The following KIF26B variants were observed in gnomAD, a reference collection of about 807,000 sequenced individuals.
KIF26B encodes the protein kinesin-like protein KIF26B.
A neutral mutation model predicts 151.2 loss-of-function variants in KIF26B; 63 were observed. The ratio of observed to expected loss-of-function variants is 0.42; its 90% CI spans 0.34 to 0.51. The LOEUF (loss-of-function observed/expected upper bound fraction) is 0.51. KIF26B is among the 20% of genes least tolerant of loss of function. The pLI, the probability that KIF26B is intolerant of heterozygous loss-of-function variation, is 0.07. For missense variants in KIF26B, 2,813 were observed against 2,913.6 expected, an observed-to-expected ratio of 0.97 and a Z score of 0.79; for synonymous variants, 1,357 against 1,262.1, an observed-to-expected ratio of 1.08 and a Z score of -1.59.
chr1:245,522,080 A>T (rs376393046), intron 4 of KIF26B, among the ~76,000 whole-genome samples: 1 of 152,102 alleles, frequency 6.6e-6, no homozygotes, highest in African/African-American at 2.4e-5. Context: ...CGTGTTAGCC[A>T]GGATGGTCTC....
chr1:245,692,413 C>T (rs1316757367), intron 12 of KIF26B, among the ~76,000 whole-genome samples: 1 of 152,156 alleles, frequency 6.6e-6, no homozygotes, highest in Non-Finnish European at 1.5e-5. Context: ...GCAAAGGCTG[C>T]AGAGAAATGT....
intron 2 of KIF26B, among the ~76,000 whole-genome samples, chr1:245,235,215 C>T (rs1183986904): frequency 1.3e-5 from 2 of 152,146 alleles, no homozygotes; most frequent in Non-Finnish European, 2.9e-5. Context: ...CTTCAAAGGC[C>T]ATAGTTAATT....
At chr1:245,181,361 G>A (rs4385689) in intron 2 of KIF26B, among the ~76,000 whole-genome samples, 15,842 of 152,008 alleles carry the variant, frequency 0.1, 889 homozygotes, top group Middle Eastern at 0.13. Flanking sequence ...TTGGGTCTGC[G>A]TCTTTTCATT....
At chr1:245,579,596 G>T (rs559070379) in intron 5 of KIF26B, among the ~76,000 whole-genome samples, 1 of 152,252 alleles carries the variant, frequency 6.6e-6, no homozygotes, top group African/African-American at 2.4e-5. Context: ...GATCACCTGA[G>T]GTCGGGAGTT....
At chr1:245,504,939 A>G (rs1203707635) in intron 4 of KIF26B, among the ~76,000 whole-genome samples, 3 of 151,906 alleles carry the variant, frequency 2.0e-5, no homozygotes, top group Admixed American at 6.6e-5. Context: ...TAAGCAATAA[A>G]ATACTTTTTT....
intron 4 of KIF26B, among the ~76,000 whole-genome samples, chr1:245,521,535 A>G (rs1445712744): frequency 6.6e-6 from 1 of 152,210 alleles, no homozygotes; most frequent in Non-Finnish European, 1.5e-5. Context: ...ATCCTTGAGT[A>G]TAAGTCTACC....
chr1:245,412,888 C>T (rs904467438), intron 3 of KIF26B, among the ~76,000 whole-genome samples: 2 of 152,210 alleles, frequency 1.3e-5, no homozygotes, highest in Non-Finnish European at 2.9e-5. Context: ...TGTACACGCA[C>T]ATGCACACGT....
Position 245,184,052 on chromosome 1 carries a change from T to TTTTTG in KIF26B, c.465+27373_465+27374insGTTTT, listed in dbSNP as rs1553332276. Among the ~76,000 whole-genome samples, 3 of 107,726 alleles carry TTTTTG rather than the reference T, an allele frequency of 2.8e-5. 1 individual carries two copies. Among genetic ancestry groups the TTTTTG allele is most frequent in the African/African-American group, 1.0e-4 (3 of 28,896 alleles). The allele number at this position is 107,726 out of a possible 152,430, so 70.7% of individuals were successfully genotyped here. A position where few individuals can be genotyped will look rare whatever the true frequency, so the allele number is the denominator to read the frequency against. The stretch of plus-strand genomic sequence containing the variant: ...AACAGGTATGGGTGGGAGTTGTTGT[T>TTTTTG]TTTTTTTTTTTTTTTTTGAGCTTTC... On this transcript the variant is annotated intron_variant, in intron 2 of 14. Coordinates refer to ENST00000407071, the MANE Select transcript of KIF26B (RefSeq NM_018012.4).
chr1:245,525,101 C>T (rs1661210193), intron 4 of KIF26B, among the ~76,000 whole-genome samples: 1 of 152,030 alleles, frequency 6.6e-6, no homozygotes, highest in African/African-American at 2.4e-5. Flanking sequence ...TCTGCACCTC[C>T]CTGGGTCATC....
rs1176485514 is a variant in KIF26B, at chr1:245,707,564, G to C, written c.*4958G>C. 4 of 152,324 alleles carry C rather than the reference G, an allele frequency of 2.6e-5. No individual in the cohort carries two copies. Among genetic ancestry groups the C allele is most frequent in the African/African-American group, 9.6e-5 (4 of 41,564 alleles). 9.4% of individuals were successfully genotyped at this position (152,324 alleles called of 1,614,324 possible). A position where few individuals can be genotyped will look rare whatever the true frequency, so the allele number is the denominator to read the frequency against. ...TATCCACGTGCCGTGCATCGAGGTG[G>C]AGATTTGCTGGATCTGTCTGTGGCT... On this transcript the variant is annotated 3_prime_UTR_variant, in exon 15 of 15. Transcript: ENST00000407071.
In KIF26B at chr1:245,690,029, G is replaced by A. The variant is rs549263412; in HGVS notation, c.5824+1222G>A. ...AGCTGGTGGCCCTGGAGGTCTTGGG[G>A]TAGGAGAAATGAAAGGATGGTAAGG... On this transcript the variant is annotated intron_variant, in intron 12 of 14. Coordinates refer to ENST00000407071, the MANE Select transcript of KIF26B (RefSeq NM_018012.4). Among the ~76,000 whole-genome samples the A allele has an allele frequency of 1.5e-4, 23 of 152,196 alleles. No homozygotes were observed. The East Asian group carries it at 4.5e-3, about 30-fold the overall frequency.
At chr1:245,307,550 G>C (rs756858080) in intron 2 of KIF26B, among the ~76,000 whole-genome samples, 40 of 152,294 alleles carry the variant, frequency 2.6e-4, no homozygotes, top group Middle Eastern at 3.4e-3. Flanking sequence ...GATACACAGA[G>C]AGTGATATAA....
intron 4 of KIF26B, among the ~76,000 whole-genome samples, chr1:245,499,581 A>G (rs1032616880): frequency 2.0e-5 from 3 of 152,272 alleles, no homozygotes; most frequent in African/African-American, 7.2e-5. Flanking sequence ...TTTATAGAGT[A>G]TAATTTGAGT....
intron 2 of KIF26B, chr1:245,353,565 C>T (rs1406283697): frequency 6.6e-6 from 1 of 152,558 alleles, no homozygotes; most frequent in Non-Finnish European, 1.5e-5. Context: ...GGGGTCTAAG[C>T]TGAGAATGGC....
At position 245,352,587 on chromosome 1, in the gene KIF26B, C is replaced by G. The variant is rs79966036; in HGVS notation, c.466-14247C>G. On this transcript the variant is annotated intron_variant, in intron 2 of 14. Transcript: ENST00000407071. The surrounding 1 kb of genome is among the most constrained non-coding windows in gnomAD (Gnocchi z 5.0). ...CCCACCTACTTCCAGTTTAAAGTCA[C>G]CTGGGAAATACTTGGAGTACAGTTT... 1.1e-3 allele frequency among the ~76,000 whole-genome samples: 162 copies of G among 152,254 alleles called. No individual in the cohort carries two copies. In the Middle Eastern group the frequency reaches 0.014, roughly 13 times the overall value.
chr1:245,285,998 T>TA (rs34582895), intron 2 of KIF26B, among the ~76,000 whole-genome samples: 53,715 of 110,406 alleles, frequency 0.49, 12,517 homozygotes, highest in East Asian at 0.65. Context: ...ACCCTCTCTC[T>TA]AAAAAAAAAA....
chr1:245,469,481 A>G (rs979200840), intron 4 of KIF26B, among the ~76,000 whole-genome samples: 2 of 152,204 alleles, frequency 1.3e-5, no homozygotes, highest in African/African-American at 2.4e-5. Flanking sequence ...TGTCAGGCAT[A>G]TAGTATGTAT....
chr1:245,412,705 G>A (rs1378074056), intron 3 of KIF26B, among the ~76,000 whole-genome samples: 1 of 152,204 alleles, frequency 6.6e-6, no homozygotes, highest in Non-Finnish European at 1.5e-5. Context: ...TTGGGAATGA[G>A]TACCAAGCTC....
At chr1:245,255,507 C>T (rs1381599276) in intron 2 of KIF26B, among the ~76,000 whole-genome samples, 1 of 152,206 alleles carries the variant, frequency 6.6e-6, no homozygotes, top group Non-Finnish European at 1.5e-5. Context: ...TTTTCACATG[C>T]TCATTCTCAA....
Sources: gnomAD v4.1 joint callset for allele counts (sites outside exome capture counted in the v4.1 genomes callset) on GRCh38, gnomAD v4.1.1 for gene constraint, Gnocchi (gnomAD v3.1) non-coding constraint, MANE v1.5 for transcripts, NCBI Gene and HGNC (gene_info 2026-07-23, HGNC 2026-07-21) for gene names.